The following AGBL1 variants were observed in gnomAD, a reference collection of about 807,000 sequenced individuals.
The protein encoded by AGBL1 is cytosolic carboxypeptidase 4.
In AGBL1, 130 loss-of-function variants were observed where a neutral mutation model predicts 118.9. The ratio of observed to expected loss-of-function variants is 1.09; its 90% CI spans 0.95 to 1.26. AGBL1 has a LOEUF of 1.26. Ranked by LOEUF, AGBL1 falls within the 50% of genes most tolerant of loss-of-function variation. AGBL1 has a pLI of 0.00. For missense variants in AGBL1, 1,584 were observed against 1,298.1 expected, an observed-to-expected ratio of 1.22 and a Z score of -3.38; for synonymous variants, 555 against 478.9, an observed-to-expected ratio of 1.16 and a Z score of -2.08.
At chr15:86,244,086 A>AATAAATAAAT (rs879539861) in intron 6 of AGBL1, among the ~76,000 whole-genome samples, 1 of 149,598 alleles carries the variant, frequency 6.7e-6, no homozygotes, top group South Asian at 2.1e-4. Context: ...TAAATAAATA[A>AATAAATAAAT]ATATATATAT....
intron 22 of AGBL1, among the ~76,000 whole-genome samples, chr15:86,788,549 G>A (rs986132169): frequency 1.3e-5 from 2 of 152,170 alleles, no homozygotes; most frequent in Non-Finnish European, 2.9e-5. Context: ...TAGGGATATA[G>A]CAGTGAACAA....
intron 16 of AGBL1, among the ~76,000 whole-genome samples, chr15:86,285,652 A>G (rs1000465504): frequency 2.0e-5 from 3 of 152,180 alleles, no homozygotes; most frequent in African/African-American, 4.8e-5. Flanking sequence ...AGTCTCGGGT[A>G]TGTCTTTATT....
intron 6 of AGBL1, 94 bp downstream of exon 6, chr15:86,225,045 T>TC (rs1175827612): frequency 5.3e-6 from 7 of 1,314,092 alleles, no homozygotes; most frequent in Non-Finnish European, 7.5e-6. Context: ...TTTTTTTTTT[T>TC]TTTCATGAAC....
intron 22 of AGBL1, among the ~76,000 whole-genome samples, chr15:86,824,287 A>T (rs908138846): frequency 2.0e-5 from 3 of 152,130 alleles, no homozygotes; most frequent in African/African-American, 7.2e-5. Flanking sequence ...ATTTTTCTAT[A>T]CTAAAAATGA....
chr15:86,160,761 G>A (rs2077256804), intron 5 of AGBL1, among the ~76,000 whole-genome samples: 1 of 152,070 alleles, frequency 6.6e-6, no homozygotes, highest in African/African-American at 2.4e-5. Flanking sequence ...ATATTTGCTG[G>A]GCTCATCCAC....
At chr15:86,922,031 G>A (rs577628861) in intron 23 of AGBL1, among the ~76,000 whole-genome samples, 6 of 152,152 alleles carry the variant, frequency 3.9e-5, no homozygotes, top group South Asian at 2.1e-4. Flanking sequence ...GGACTTAGTC[G>A]TAATTTTTCA....
At chr15:86,898,932 T>C (rs1258771557) in intron 22 of AGBL1, among the ~76,000 whole-genome samples, 3 of 152,176 alleles carry the variant, frequency 2.0e-5, no homozygotes, top group Admixed American at 2.0e-4. Flanking sequence ...ACACATATAC[T>C]GTTGGTGGGA....
chr15:86,970,892 CAA>C (rs1263415767), intron 23 of AGBL1, among the ~76,000 whole-genome samples: 1 of 151,928 alleles, frequency 6.6e-6, no homozygotes, highest in Admixed American at 6.6e-5. Context: ...TAAAACATAA[CAA>C]TATACAAATA....
Position 86,237,372 on chromosome 15 carries a change from GCTGT to G in AGBL1, c.527-10296_527-10293del, listed in dbSNP as rs543472244. Among the ~76,000 whole-genome samples, 95 of 152,294 alleles carry G rather than the reference GCTGT, an allele frequency of 6.2e-4. 1 individual carries two copies. The South Asian group carries it at 0.019, about 31-fold the overall frequency. On this transcript the variant is annotated intron_variant, in intron 6 of 22. Coordinates refer to ENST00000614907, the MANE Select transcript of AGBL1 (RefSeq NM_001386094.1). ...CAACGCAGGGCAGAATTGCTTTCCT[GCTGT>G]CTATGTTGGTTGTCTGTACTCTGGC...
chr15:86,744,847 G>A (rs2077731517), intron 22 of AGBL1, among the ~76,000 whole-genome samples: 1 of 152,130 alleles, frequency 6.6e-6, no homozygotes, highest in African/African-American at 2.4e-5. Flanking sequence ...TTTTTGGTGT[G>A]AATTCAGTGC....
chr15:86,646,669 T>A (rs1007636701), intron 21 of AGBL1, among the ~76,000 whole-genome samples: 2 of 152,166 alleles, frequency 1.3e-5, no homozygotes, highest in African/African-American at 4.8e-5. Flanking sequence ...GAATACTGTA[T>A]GCTTTTATAG....
At chr15:86,831,415 G>A (rs2079102031) in intron 22 of AGBL1, among the ~76,000 whole-genome samples, 1 of 152,180 alleles carries the variant, frequency 6.6e-6, no homozygotes, top group African/African-American at 2.4e-5. Context: ...CTATGAACCT[G>A]TAAAATCAAA....
At chr15:86,848,145 AGGAAGT>A (rs1202881706) in intron 22 of AGBL1, among the ~76,000 whole-genome samples, 1 of 152,184 alleles carries the variant, frequency 6.6e-6, no homozygotes, top group Non-Finnish European at 1.5e-5. Context: ...AGTGGGGGAC[AGGAAGT>A]GGGAGCTACC....
intron 1 of AGBL1, among the ~76,000 whole-genome samples, chr15:86,102,074 T>G (rs890929871): frequency 6.6e-6 from 1 of 151,594 alleles, no homozygotes; most frequent in Non-Finnish European, 1.5e-5. Flanking sequence ...GGAGTCTTGC[T>G]CTCTTGCCCA....
chr15:86,904,036 G>T (rs1296802607), intron 22 of AGBL1, among the ~76,000 whole-genome samples: 1 of 148,722 alleles, frequency 6.7e-6, no homozygotes, highest in Non-Finnish European at 1.5e-5. Context: ...TTTGTTGGTG[G>T]GGATGGGGGT....
At position 86,718,422 on chromosome 15, in the gene AGBL1, G is replaced by A. The variant is rs146891922; in HGVS notation, c.3158+43986G>A. Among the ~76,000 whole-genome samples, 413 of 152,186 alleles carry A rather than the reference G, an allele frequency of 2.7e-3. 1 individual carries two copies. Among genetic ancestry groups the A allele is most frequent in the African/African-American group, 9.3e-3 (387 of 41,510 alleles). ...TAGGCAGGAGGGATAGCATTAGGAG[G>A]TATATCTAATGTAAATGACGAGTTA... On this transcript the variant is annotated intron_variant, in intron 22 of 22. Transcript: ENST00000614907.
intron 21 of AGBL1, among the ~76,000 whole-genome samples, chr15:86,641,145 A>G (rs2085183119): frequency 1.3e-5 from 2 of 151,932 alleles, no homozygotes; most frequent in African/African-American, 4.8e-5. Flanking sequence ...ATTTCTTTGC[A>G]GTTGTTTGCC....
intron 22 of AGBL1, among the ~76,000 whole-genome samples, chr15:86,736,238 G>A (rs1251286908): frequency 6.6e-6 from 1 of 152,018 alleles, no homozygotes; most frequent in African/African-American, 2.4e-5. Context: ...AAATTAGCTG[G>A]GTGCGGTGGT....
At chr15:86,807,318 A>T (rs1447424318) in intron 22 of AGBL1, among the ~76,000 whole-genome samples, 1 of 152,032 alleles carries the variant, frequency 6.6e-6, no homozygotes, top group Non-Finnish European at 1.5e-5. Context: ...TACAAATATT[A>T]TTTTTGTGGG....
Sources: allele counts gnomAD v4.1 joint callset (sites outside exome capture counted in the v4.1 genomes callset), GRCh38; gene constraint gnomAD v4.1.1; transcripts MANE v1.5; gene names NCBI Gene and HGNC (gene_info 2026-07-23, HGNC 2026-07-21).